Variants in MED12L observed in about 807,000 individuals in gnomAD.
MED12L encodes the protein mediator of RNA polymerase II transcription subunit 12-like protein.
A neutral mutation model predicts 281.3 loss-of-function variants in MED12L; 60 were observed. The observed-to-expected ratio is 0.21, with a 90% CI of 0.17 to 0.26. MED12L has a LOEUF of 0.26. Ranked by LOEUF, MED12L falls within the 10% of genes least tolerant of loss-of-function variation. The pLI is 1.00. For missense variants in MED12L, 2,146 were observed against 2,680.9 expected (o/e 0.80, Z 4.41); for synonymous variants, 974 against 987.2 (o/e 0.99, Z 0.25).
chr3:151,393,892 T>G (rs1431369087), intron 38 of MED12L, among the ~76,000 whole-genome samples: 2 of 152,008 alleles, frequency 1.3e-5, no homozygotes, highest in Non-Finnish European at 2.9e-5. Context: ...GAGGTGCTTA[T>G]GTAGAGGTTT....
chr3:151,136,179 C>T (rs371247928), intron 5 of MED12L, among the ~76,000 whole-genome samples: 13 of 152,306 alleles, frequency 8.5e-5, no homozygotes, highest in African/African-American at 2.6e-4. Context: ...CCTTCTTTCA[C>T]AGTGGGTAAT....
In MED12L at chr3:151,376,193, G is replaced by T. The variant is rs1248061409; in HGVS notation, c.4032G>T (p.Gln1344His). The T allele has an allele frequency of 6.3e-7, 1 of 1,591,290 alleles. No homozygotes were observed. The highest frequency in any genetic ancestry group is 2.3e-5 in the East Asian group (1 of 44,032). Residue 1344 changes from glutamine (Q) to histidine (H), a missense_variant, in exon 28 of 45, where the codon CAG becomes CAT. Gln to His is a conservative substitution (Grantham distance 24). Around this residue, in one of 9 missense-constraint regions of MED12L, gnomAD observed 235 missense variants for 260.3 expected, o/e 0.90. Coordinates refer to ENST00000687756, the MANE Select transcript of MED12L (RefSeq NM_001393769.1). ...CCGAGGGGGACAATCTGCAAAGACA[G>T]CACATTAAGCGTATTCTTCAGGTCA... Reference protein sequence around the residue: ...ECTEGDNLQRQHIKRILQNLE... With the variant: ...ECTEGDNLQRHHIKRILQNLE...
chr3:151,136,342 A>G (rs978329815), intron 5 of MED12L, among the ~76,000 whole-genome samples: 1 of 152,174 alleles, frequency 6.6e-6, no homozygotes, highest in Admixed American at 6.5e-5. Flanking sequence ...GATTCCAGGG[A>G]CAAGCGTTTA....
chr3:151,101,482 T>G lies in MED12L; in HGVS notation c.99+14457T>G, dbSNP rs371615718. ...TGAGCCCATGCTGTAAACATTCTGC[T>G]CTATTTATATAGTGAGTCTAAGAAT... is the stretch of plus-strand genomic sequence containing the variant. On this transcript the variant is annotated intron_variant, in intron 2 of 44. Transcript: ENST00000687756. 4.5e-4 allele frequency among the ~76,000 whole-genome samples: 69 copies of G among 152,266 alleles called. No homozygotes were observed. In the East Asian group the frequency reaches 5.6e-3, roughly 12 times the overall value.
intron 5 of MED12L, among the ~76,000 whole-genome samples, chr3:151,144,920 G>C (rs1229092377): frequency 2.0e-5 from 3 of 152,180 alleles, no homozygotes; most frequent in Non-Finnish European, 4.4e-5. Context: ...CTTGGTTGGA[G>C]AGATGCTACT....
At chr3:151,295,663 G>A (rs1017912716) in intron 16 of MED12L, among the ~76,000 whole-genome samples, 2 of 152,132 alleles carry the variant, frequency 1.3e-5, no homozygotes, top group South Asian at 4.1e-4. Flanking sequence ...CCTTGCCTCA[G>A]TTTTAAGCTG....
chr3:151,210,685 A>T (rs1727022360), intron 16 of MED12L, among the ~76,000 whole-genome samples: 1 of 152,230 alleles, frequency 6.6e-6, no homozygotes, highest in Non-Finnish European at 1.5e-5. Context: ...CACATGTTAC[A>T]GAGTAGCCAT....
chr3:151,384,913 T>C lies in MED12L; in HGVS notation c.4927-117T>C, dbSNP rs549739083. On this transcript the variant is annotated intron_variant, in intron 35 of 44. Transcript: ENST00000687756. ...AGAACATGTTCAGGGTTAAAGAACA[T>C]GCGCTAAGCTATAAAAAGGGAAATG... 185 of 705,464 alleles carry C rather than the reference T, an allele frequency of 2.6e-4. 8 individuals are homozygous for C. In the South Asian group the frequency reaches 2.8e-3, roughly 11 times the overall value. The allele number at this position is 705,464 out of a possible 1,614,324, so 43.7% of individuals were successfully genotyped here. A position where few individuals can be genotyped will look rare whatever the true frequency, so the allele number is the denominator to read the frequency against.
intron 16 of MED12L, among the ~76,000 whole-genome samples, chr3:151,264,665 G>A (rs1739499577): frequency 6.6e-6 from 1 of 152,186 alleles, no homozygotes; most frequent in Non-Finnish European, 1.5e-5. Flanking sequence ...GGAGCCTCCT[G>A]TGACCTTCCA....
At chr3:151,174,895 T>C (rs1288825653) in intron 11 of MED12L, among the ~76,000 whole-genome samples, 1 of 148,878 alleles carries the variant, frequency 6.7e-6, no homozygotes, top group Non-Finnish European at 1.5e-5. Flanking sequence ...TCTCACTATA[T>C]TCCTCAGGCT....
intron 16 of MED12L, chr3:151,214,431 C>T: frequency 1.2e-6 from 1 of 833,528 alleles, no homozygotes; most frequent in Non-Finnish European, 1.9e-6. Flanking sequence ...TGAATATAGT[C>T]AAACCTACCA....
chr3:151,193,639 G>C lies in MED12L; in HGVS notation c.2223G>C (p.Gln741His). Residue 741 changes from glutamine to histidine, a missense_variant, in exon 16 of 45, where the codon CAG becomes CAC. By Grantham distance (24) the Gln-to-His change is conservative (BLOSUM62 0). Transcript: ENST00000687756. ...ATTATGACCTCCTTCGCCACTTACA[G>C]TATGCAACACATTTTCCTATACCTC... ...PSNYDLLRHL[Q>H]YATHFPIPLD... The C allele has an allele frequency of 6.2e-7, 1 of 1,614,010 alleles. No individual in the cohort carries two copies. The highest frequency in any genetic ancestry group is 8.5e-7 in the Non-Finnish European group (1 of 1,179,946).
At position 151,181,480 on chromosome 3, in the gene MED12L, GGCTCAAGTAATCCTCCTGA is replaced by G. The variant is rs1205939298; in HGVS notation, c.1495-3831_1495-3813del. Among the ~76,000 whole-genome samples, 3 of 151,052 alleles carry G rather than the reference GGCTCAAGTAATCCTCCTGA, an allele frequency of 2.0e-5. No individual in the cohort carries two copies. The South Asian group carries it at 6.3e-4, about 32-fold the overall frequency. ...TGCCTAGGCTAGCCTCGAACTTCTG[GGCTCAAGTAATCCTCCTGA>G]GCTCAAGTAATCCTCCTGCCTTAGC... On this transcript the variant is annotated intron_variant, in intron 11 of 44. Coordinates refer to ENST00000687756, the MANE Select transcript of MED12L (RefSeq NM_001393769.1).
At chr3:151,240,157 G>A (rs16863276) in intron 16 of MED12L, among the ~76,000 whole-genome samples, 3,914 of 152,010 alleles carry the variant, frequency 0.026, 157 homozygotes, top group African/African-American at 0.09. Flanking sequence ...GAGTGGCCCC[G>A]TTTTTTAGAG....
chr3:151,328,066 A>C (rs1272000631), intron 16 of MED12L: 1 of 1,609,830 alleles, frequency 6.2e-7, no homozygotes, highest in South Asian at 1.1e-5. Flanking sequence ...TCCCTTGCAT[A>C]CATGGTAGCT....
intron 4 of MED12L, among the ~76,000 whole-genome samples, chr3:151,126,942 G>A (rs1210663435): frequency 6.6e-6 from 1 of 152,090 alleles, no homozygotes; most frequent in African/African-American, 2.4e-5. Flanking sequence ...GTACAGAGGG[G>A]GTCATGGCTG....
At chr3:151,289,951 G>A (rs187759408) in intron 16 of MED12L, among the ~76,000 whole-genome samples, 1 of 151,902 alleles carries the variant, frequency 6.6e-6, no homozygotes, top group African/African-American at 2.4e-5. Context: ...TGCGATCTCG[G>A]ATCACTGCAA....
chr3:151,136,368 C>T (rs1055274414), intron 5 of MED12L, among the ~76,000 whole-genome samples: 1 of 152,194 alleles, frequency 6.6e-6, no homozygotes, highest in African/African-American at 2.4e-5. Context: ...GTCAAGATTG[C>T]CTCCACATTT....
At chr3:151,150,942 T>C (rs1327130908) in intron 5 of MED12L, among the ~76,000 whole-genome samples, 1 of 151,992 alleles carries the variant, frequency 6.6e-6, no homozygotes, top group Non-Finnish European at 1.5e-5. Context: ...TGTGGCTGGT[T>C]TGATCTTCTA....
Sources: allele counts gnomAD v4.1 joint callset (sites outside exome capture counted in the v4.1 genomes callset), GRCh38; gene constraint gnomAD v4.1.1; regional missense constraint gnomAD v4.1.1; transcripts MANE v1.5; gene names NCBI Gene and HGNC (gene_info 2026-07-23, HGNC 2026-07-21).